Variants in CSNK1G1 observed in about 807,000 individuals in gnomAD.
The protein encoded by CSNK1G1 is casein kinase 1 gamma 1.
A neutral mutation model predicts 59.6 loss-of-function variants in CSNK1G1; 22 were observed. The observed-to-expected ratio is 0.37, with a 90% CI of 0.26 to 0.53. CSNK1G1 has a LOEUF of 0.53. CSNK1G1 is among the 20% of genes least tolerant of loss of function. The pLI is 0.89. For missense variants in CSNK1G1, 384 were observed against 519.5 expected (o/e 0.74, Z 2.54); for synonymous variants, 179 against 177.1 (o/e 1.01, Z -0.08).
intron 1 of CSNK1G1, among the ~76,000 whole-genome samples, chr15:64,325,555 TAGC>T (rs1242979673): frequency 2.6e-5 from 4 of 152,190 alleles, no homozygotes; most frequent in African/African-American, 9.7e-5. Flanking sequence ...TTTACTCAAA[TAGC>T]AGAGAAGTAG....
At chr15:64,220,843 C>T (rs895355694) in intron 4 of CSNK1G1, among the ~76,000 whole-genome samples, 10 of 152,126 alleles carry the variant, frequency 6.6e-5, no homozygotes, top group Admixed American at 2.6e-4. Flanking sequence ...CATGAGCCTC[C>T]GTGCCTGGCC....
chr15:64,310,370 T>C (rs1040557231), intron 1 of CSNK1G1, among the ~76,000 whole-genome samples: 11 of 151,734 alleles, frequency 7.2e-5, no homozygotes, highest in African/African-American at 1.7e-4. Context: ...ATATGTGAAA[T>C]GTACTGTATC....
intron 10 of CSNK1G1, among the ~76,000 whole-genome samples, chr15:64,196,843 C>T (rs753480294): frequency 5.3e-5 from 8 of 151,904 alleles, no homozygotes; most frequent in Non-Finnish European, 1.2e-4. Flanking sequence ...TCCAGCCCTA[C>T]TCTAGCTGCC....
At chr15:64,272,508 C>T (rs372207904) in intron 2 of CSNK1G1, among the ~76,000 whole-genome samples, 3 of 151,976 alleles carry the variant, frequency 2.0e-5, no homozygotes, top group Admixed American at 6.5e-5. Flanking sequence ...TGAGACACCA[C>T]GCCCGGCCCC....
rs566256039 is a variant in CSNK1G1, at chr15:64,279,810, A to G, written c.181+20509T>C. Among the ~76,000 whole-genome samples the G allele has an allele frequency of 5.9e-5, 9 of 152,098 alleles. 1 individual carries two copies. The highest frequency in any genetic ancestry group is 1.9e-4 in the African/African-American group (8 of 41,474). On this transcript the variant is annotated intron_variant, in intron 2 of 11. Coordinates refer to ENST00000303052, the MANE Select transcript of CSNK1G1 (RefSeq NM_022048.5). Reference sequence around the variant, plus strand: ...AACATAGTGAAATCCCATCTCTACTAAAAATACAAAAATTAGCCAGGCATG... The same window carrying G: ...AACATAGTGAAATCCCATCTCTACTGAAAATACAAAAATTAGCCAGGCATG...
intron 2 of CSNK1G1, among the ~76,000 whole-genome samples, chr15:64,293,853 T>C (rs1435562238): frequency 1.3e-5 from 2 of 151,854 alleles, no homozygotes; most frequent in African/African-American, 4.9e-5. Context: ...CCTGAAACCA[T>C]CCTCCACCCC....
At chr15:64,306,318 A>C (rs190318636) in intron 1 of CSNK1G1, among the ~76,000 whole-genome samples, 7 of 152,360 alleles carry the variant, frequency 4.6e-5, no homozygotes, top group African/African-American at 1.7e-4. Flanking sequence ...CAGTTAAAAT[A>C]TGAGCAAAAT....
intron 2 of CSNK1G1, among the ~76,000 whole-genome samples, chr15:64,294,867 G>A (rs567816479): frequency 8.2e-5 from 12 of 146,380 alleles, no homozygotes; most frequent in East Asian, 6.0e-4. Flanking sequence ...AGCCAAGATC[G>A]TGCCATTGCA....
intron 4 of CSNK1G1, among the ~76,000 whole-genome samples, chr15:64,224,183 G>A (rs2082426747): frequency 6.6e-6 from 1 of 152,022 alleles, no homozygotes; most frequent in Non-Finnish European, 1.5e-5. Flanking sequence ...ATTTTTTAAT[G>A]TTTAAAGAAA....
chr15:64,198,189 ATACTT>A (rs2082060491), intron 10 of CSNK1G1, among the ~76,000 whole-genome samples: 1 of 142,532 alleles, frequency 7.0e-6, no homozygotes, highest in Non-Finnish European at 1.5e-5. Flanking sequence ...TCCACAGGAT[ATACTT>A]TTTTTTTTTT....
At chr15:64,243,340 AAAAACAAAAC>A (rs535451164) in intron 4 of CSNK1G1, among the ~76,000 whole-genome samples, 58 of 152,172 alleles carry the variant, frequency 3.8e-4, no homozygotes, top group African/African-American at 1.4e-3. Context: ...CATCTCAAAG[AAAAACAAAAC>A]AAAACAAAAC....
chr15:64,240,767 C>T (rs768380532), intron 4 of CSNK1G1, among the ~76,000 whole-genome samples: 7 of 152,022 alleles, frequency 4.6e-5, no homozygotes, highest in South Asian at 2.1e-4. Context: ...CTAGACTGGA[C>T]TTACAAGAAA....
intron 10 of CSNK1G1, chr15:64,181,108 A>G: frequency 7.0e-7 from 1 of 1,421,890 alleles, no homozygotes; most frequent in South Asian, 1.5e-5. Flanking sequence ...CGAAGTTACA[A>G]ATAACAAGAT....
intron 1 of CSNK1G1, among the ~76,000 whole-genome samples, chr15:64,317,572 T>TTTTACTTATTTG (rs1308569338): frequency 6.6e-6 from 1 of 152,140 alleles, no homozygotes; most frequent in Non-Finnish European, 1.5e-5. Context: ...TTTCATCTGT[T>TTTTACTTATTTG]TTTACTTATT....
chr15:64,283,342 CTTTTTT>C (rs58497751), intron 2 of CSNK1G1, among the ~76,000 whole-genome samples: 1 of 144,778 alleles, frequency 6.9e-6, no homozygotes, highest in African/African-American at 2.5e-5. Context: ...TTTTAAGTTT[CTTTTTT>C]TTTTTTCTTT....
At chr15:64,301,286 G>A (rs997169532) in intron 1 of CSNK1G1, among the ~76,000 whole-genome samples, 1 of 151,740 alleles carries the variant, frequency 6.6e-6, no homozygotes, top group African/African-American at 2.4e-5. Context: ...CTAAACTTTT[G>A]GTGGTTTTTG....
Position 64,203,091 on chromosome 15 carries a change from A to C in CSNK1G1, c.1098T>G (p.Leu366=). The C allele has an allele frequency of 6.2e-7, 1 of 1,613,272 alleles. No individual in the cohort carries two copies. The change falls in exon 10 of 12, where the codon CTT becomes CTG. Residue 366 remains leucine, a synonymous_variant. Transcript: ENST00000303052. ...HRDRPSQQQP[L]RNQVVSSTNG... is the part of the protein sequence containing the mutation. ...GAGGATCAACACATACCTGATTTCG[A>C]AGAGGCTGCTGTTGTGATGGCCGAT... is the stretch of plus-strand genomic sequence containing the variant.
rs537839629 is a variant in CSNK1G1, at chr15:64,176,894, G to A, written c.1214+3454C>T. On this transcript the variant is annotated intron_variant, in intron 11 of 11. Coordinates refer to ENST00000303052, the MANE Select transcript of CSNK1G1 (RefSeq NM_022048.5). The surrounding 1 kb of genome is among the most constrained non-coding windows in gnomAD (Gnocchi z 5.2). The stretch of plus-strand genomic sequence containing the variant: ...GCTCTGTATTAAGGTATAACTACCA[G>A]AGAAGGACCTAAATTCTACTCTTGT... 1.3e-5 allele frequency among the ~76,000 whole-genome samples: 2 copies of A among 152,310 alleles called. No homozygotes were observed. The highest frequency in any genetic ancestry group is 4.8e-5 in the African/African-American group (2 of 41,564).
intron 10 of CSNK1G1, among the ~76,000 whole-genome samples, chr15:64,191,220 T>G (rs569352249): frequency 9.2e-5 from 14 of 151,996 alleles, no homozygotes; most frequent in African/African-American, 3.4e-4. Flanking sequence ...CGCCACCAGG[T>G]TGCTAATTTT....
Sources: allele counts gnomAD v4.1 joint callset (sites outside exome capture counted in the v4.1 genomes callset), GRCh38; gene constraint gnomAD v4.1.1; non-coding constraint Gnocchi (gnomAD v3.1); transcripts MANE v1.5; gene names NCBI Gene and HGNC (gene_info 2026-07-23, HGNC 2026-07-21).